Variants in HEATR5A observed in about 807,000 individuals in gnomAD.
HEATR5A encodes the protein HEAT repeat containing 5A, also known as HEAT repeat-containing protein 5A.
A neutral mutation model predicts 218.8 loss-of-function variants in HEATR5A; 178 were observed. That is an observed-to-expected ratio of 0.81 (90% CI 0.72 to 0.92). HEATR5A has a LOEUF of 0.92. Among genes scored for constraint, HEATR5A ranks in the 40% least tolerant of loss-of-function variants. HEATR5A has a pLI of 0.00. For missense variants in HEATR5A, 2,420 were observed against 2,418.9 expected (o/e 1.00, Z -0.01); for synonymous variants, 864 against 871.6 (o/e 0.99, Z 0.15).
intron 22 of HEATR5A, among the ~76,000 whole-genome samples, chr14:31,330,569 A>G (rs907628879): frequency 6.6e-6 from 1 of 152,040 alleles, no homozygotes; most frequent in African/African-American, 2.4e-5. Context: ...TGGGTGGATC[A>G]CGAGGTCAAA....
At chr14:31,335,188 T>C (rs1227718698) in intron 22 of HEATR5A, among the ~76,000 whole-genome samples, 1 of 152,076 alleles carries the variant, frequency 6.6e-6, no homozygotes, top group East Asian at 1.9e-4. Flanking sequence ...CAGACTACAG[T>C]ATAGTACAAA....
intron 33 of HEATR5A, among the ~76,000 whole-genome samples, chr14:31,301,510 A>G (rs1899373210): frequency 6.6e-6 from 1 of 152,204 alleles, no homozygotes; most frequent in Non-Finnish European, 1.5e-5. Context: ...TTCACATATT[A>G]AGTTACTGCT....
intron 9 of HEATR5A, among the ~76,000 whole-genome samples, chr14:31,385,352 G>GA (rs1164783194): frequency 1.3e-5 from 2 of 151,736 alleles, no homozygotes; most frequent in East Asian, 3.9e-4. Flanking sequence ...GGCTGGTCTT[G>GA]AACTCAGCTC....
rs751997613 is a variant in HEATR5A, at chr14:31,295,969, TGGGATGGTAGTTACTTCTGGAC to T, written c.5537_5558del (p.Ser1846AsnfsTer17). On this transcript the variant is annotated frameshift_variant, in exon 34 of 36. Coordinates refer to ENST00000543095, the MANE Select transcript of HEATR5A (RefSeq NM_015473.4). LOFTEE classifies it high-confidence loss of function. ...TATCAATACAGCGCTTCTGAAGGCA[TGGGATGGTAGTTACTTCTGGAC>T]TGGTAGACAAAATAAACACTGTGAT... The T allele has an allele frequency of 3.1e-6, 5 of 1,613,568 alleles. No individual in the cohort carries two copies. The highest frequency in any genetic ancestry group is 4.2e-6 in the Non-Finnish European group (5 of 1,179,590).
In HEATR5A at chr14:31,306,778, G is replaced by C. The variant is rs201553100; in HGVS notation, c.4920C>G (p.Ile1640Met). 38 of 1,613,552 alleles carry C rather than the reference G, an allele frequency of 2.4e-5. No homozygotes were observed. The highest frequency in any genetic ancestry group is 1.6e-4 in the Middle Eastern group (1 of 6,082). ...CCTTCACATGTTCTTGAGCAGCACA[G>C]ATAATCTGCCTTACCACTTCAAGTG... ...LASLEVVRQIICAAQEHVKEK... is the reference protein window; with the variant it reads ...LASLEVVRQIMCAAQEHVKEK... The change falls in exon 31 of 36, where the codon ATC becomes ATG. Residue 1640 changes from isoleucine (I) to methionine (M), a missense_variant. Physicochemically the swap from Ile to Met is conservative, Grantham distance 10. Coordinates refer to ENST00000543095, the MANE Select transcript of HEATR5A (RefSeq NM_015473.4).
intron 33 of HEATR5A, 129 bp from the exon 34 acceptor site, chr14:31,296,192 A>C (rs1034074215): frequency 1.7e-6 from 1 of 602,646 alleles, no homozygotes; most frequent in African/African-American, 1.9e-5. Flanking sequence ...CTGACTAAGA[A>C]CCCTGGCAAA....
chr14:31,344,268 C>CTTTTTTTTTTTTTTTTT lies in HEATR5A; in HGVS notation c.3059-220_3059-204dup, dbSNP rs577497140. On this transcript the variant is annotated intron_variant, in intron 20 of 35. Coordinates refer to ENST00000543095, the MANE Select transcript of HEATR5A (RefSeq NM_015473.4). The stretch of plus-strand genomic sequence containing the variant: ...GTTACAGATTGTTAGATTAGTTATT[C>CTTTTTTTTTTTTTTTTT]TTTTTTTTTTTTTTTTTTTTTTTTT... Among the ~76,000 whole-genome samples, 68 of 50,832 alleles carry CTTTTTTTTTTTTTTTTT rather than the reference C, an allele frequency of 1.3e-3. 15 individuals carry two copies. The highest frequency in any genetic ancestry group is 1.9e-3 in the Non-Finnish European group (52 of 27,200). The allele number at this position is 50,832 out of a possible 152,430, so 33.3% of individuals were successfully genotyped here.
intron 26 of HEATR5A, among the ~76,000 whole-genome samples, chr14:31,317,749 A>G (rs543944233): frequency 6.6e-6 from 1 of 152,252 alleles, no homozygotes; most frequent in Non-Finnish European, 1.5e-5. Context: ...ATTGTATCGT[A>G]TAGACAAAAA....
In HEATR5A at chr14:31,292,596, T is replaced by A. The variant is rs879642256; in HGVS notation, c.*709A>T. ...GAATAAGGCAGAATTTTTTTTTTTT[T>A]TTTTTAGATGGAGTCTCACTCTGTC... On this transcript the variant is annotated 3_prime_UTR_variant, in exon 36 of 36. Coordinates refer to ENST00000543095, the MANE Select transcript of HEATR5A (RefSeq NM_015473.4). 1 of 152,068 alleles carries A rather than the reference T, an allele frequency of 6.6e-6. No homozygotes were observed. Among genetic ancestry groups the A allele is most frequent in the African/African-American group, 2.4e-5 (1 of 41,368 alleles). The allele number at this position is 152,068 out of a possible 1,614,324, so 9.4% of individuals were successfully genotyped here.
At chr14:31,368,450 C>T (rs181361880) in intron 13 of HEATR5A, among the ~76,000 whole-genome samples, 77 of 152,230 alleles carry the variant, frequency 5.1e-4, no homozygotes, top group Non-Finnish European at 8.5e-4. Flanking sequence ...ATAGAAAAAT[C>T]GGTTCCAGAT....
chr14:31,302,462 G>T lies in HEATR5A; in HGVS notation c.5297C>A (p.Thr1766Asn). ...CTGGCCCCCAGGTAACTTCACAGCA[G>T]TCTCTCTGAGGACCCCGATTGTGAG... ...LYLTIGVLRE[T>N]AVKLPGGQLS... The change falls in exon 33 of 36, where the codon ACT becomes AAT. Residue 1766 changes from threonine (T) to asparagine (N), a missense_variant. By Grantham distance (65) the Thr-to-Asn change is moderately conservative. Coordinates refer to ENST00000543095, the MANE Select transcript of HEATR5A (RefSeq NM_015473.4). The T allele has an allele frequency of 6.3e-7, 1 of 1,596,774 alleles. No individual in the cohort carries two copies. Among genetic ancestry groups the T allele is most frequent in the African/African-American group, 1.3e-5 (1 of 74,702 alleles).
Position 31,400,525 on chromosome 14 carries a change from A to G in HEATR5A, c.127-13T>C. ...CCCTTACATCATTCTAGAAAGAAAGATAACACAAAGACAATTCAAAGTCAA... is the reference window on the plus strand; with the variant it reads ...CCCTTACATCATTCTAGAAAGAAAGGTAACACAAAGACAATTCAAAGTCAA... On this transcript the variant is annotated splice_polypyrimidine_tract_variant and intron_variant, in intron 2 of 35. Coordinates refer to ENST00000543095, the MANE Select transcript of HEATR5A (RefSeq NM_015473.4). The G allele has an allele frequency of 4.0e-6, 6 of 1,490,114 alleles. No homozygotes were observed. The highest frequency in any genetic ancestry group is 5.4e-6 in the Non-Finnish European group (6 of 1,108,510). 92.3% of individuals were successfully genotyped at this position (1,490,114 alleles called of 1,614,324 possible).
In HEATR5A at chr14:31,301,817, T is replaced by C. The variant is rs899422397; in HGVS notation, c.5464+478A>G. On this transcript the variant is annotated intron_variant, in intron 33 of 35. Transcript: ENST00000543095. ...CCCAGAACACAGCTTTCTTTTTTTT[T>C]TTTTTTTTTTTTTTTTTTGAGACAG... Among the ~76,000 whole-genome samples, 79 of 139,874 alleles carry C rather than the reference T, an allele frequency of 5.6e-4. 2 individuals are homozygous for C. Among genetic ancestry groups the C allele is most frequent in the Non-Finnish European group, 8.8e-4 (57 of 64,860 alleles). The allele number at this position is 139,874 out of a possible 152,430, so 91.8% of individuals were successfully genotyped here.
At chr14:31,344,265 A>ATTTTTT (rs1245011736) in intron 20 of HEATR5A, among the ~76,000 whole-genome samples, 200 bp from the exon 21 acceptor site, 1 of 54,922 alleles carries the variant, frequency 1.8e-5, no homozygotes, top group Admixed American at 2.0e-4. Context: ...TAGATTAGTT[A>ATTTTTT]TTCTTTTTTT....
At chr14:31,367,224 C>T (rs1901836065) in intron 13 of HEATR5A, among the ~76,000 whole-genome samples, 1 of 151,948 alleles carries the variant, frequency 6.6e-6, no homozygotes, top group South Asian at 2.1e-4. Context: ...ATACAAAGAA[C>T]CTCGGAGTAA....
At chr14:31,318,883 C>T (rs1053715769) in intron 25 of HEATR5A, among the ~76,000 whole-genome samples, 7 of 152,202 alleles carry the variant, frequency 4.6e-5, no homozygotes, top group Non-Finnish European at 8.8e-5. Flanking sequence ...TCAAGACTTT[C>T]ACTGGGAGTA....
chr14:31,400,455 T>A lies in HEATR5A; in HGVS notation c.184A>T (p.Ser62Cys), dbSNP rs2030828914. 1.3e-6 allele frequency: 2 copies of A among 1,535,954 alleles called. No homozygotes were observed. The highest frequency in any genetic ancestry group is 1.7e-6 in the Non-Finnish European group (2 of 1,146,816). The change falls in exon 3 of 36, where the codon AGC (serine) becomes TGC (cysteine). Residue 62 changes from serine (S) to cysteine (C), a missense_variant. Physicochemically the swap from Ser to Cys is moderately radical, Grantham distance 112. Transcript: ENST00000543095. ...TTGCGGGTAGGAGGCCCTGGGGAGC[T>A]GTTCAACAAAGACAGGAGCTGTTCA... Reference protein sequence around the residue: ...LVEQLLSLLNSSPGPPTRKLL... With the variant: ...LVEQLLSLLNCSPGPPTRKLL...
At chr14:31,416,978 C>G (rs1048882325) in intron 1 of HEATR5A, among the ~76,000 whole-genome samples, 1 of 152,076 alleles carries the variant, frequency 6.6e-6, no homozygotes, top group Non-Finnish European at 1.5e-5. Context: ...TGGCATGTGC[C>G]TGTTGTCCCT....
In HEATR5A at chr14:31,364,250, T is replaced by A; in HGVS notation, c.2010A>T (p.Ser670=). 6.4e-7 allele frequency: 1 copy of A among 1,554,738 alleles called. No homozygotes were observed. Among genetic ancestry groups the A allele is most frequent in the Non-Finnish European group, 8.7e-7 (1 of 1,146,360 alleles). ...CATAAAGTCTTTGTCTATAAACCAC[T>A]GACGGTGTTTTCAAAGGACTTCCAT... The part of the protein sequence containing the change: ...KMYGSPLKTP[S]VVYRQRLYEL... The change falls in exon 14 of 36, where the codon TCA becomes TCT. Residue 670 remains serine, a synonymous_variant. Transcript: ENST00000543095.
Sources: allele counts gnomAD v4.1 joint callset (sites outside exome capture counted in the v4.1 genomes callset), GRCh38; gene constraint gnomAD v4.1.1; transcripts MANE v1.5; gene names NCBI Gene and HGNC (gene_info 2026-07-23, HGNC 2026-07-21).